Variants in SEMA6D observed in about 807,000 individuals in gnomAD.
SEMA6D encodes the protein semaphorin-6D.
A neutral mutation model predicts 106.6 loss-of-function variants in SEMA6D; 35 were observed. The ratio of observed to expected loss-of-function variants is 0.33; its 90% CI spans 0.25 to 0.44. The LOEUF (loss-of-function observed/expected upper bound fraction) is 0.44. SEMA6D is among the 20% of genes least tolerant of loss of function. The probability of loss-of-function intolerance (pLI) is 1.00; values close to 1 mark genes in which losing one functional copy is unlikely to be tolerated. For synonymous variants in SEMA6D, 499 were observed against 487.7 expected (o/e 1.02, Z -0.31); for missense variants, 1,185 against 1,345.9 (o/e 0.88, Z 1.87).
intron 1 of SEMA6D, among the ~76,000 whole-genome samples, chr15:47,337,132 A>T (rs531543238): frequency 2.0e-5 from 3 of 152,234 alleles, no homozygotes; most frequent in African/African-American, 7.2e-5. Flanking sequence ...GAAGAACCCT[A>T]GTCCAGTTTT....
intron 1 of SEMA6D, among the ~76,000 whole-genome samples, chr15:47,364,431 A>G (rs1200803562): frequency 6.6e-6 from 1 of 152,166 alleles, no homozygotes; most frequent in Non-Finnish European, 1.5e-5. Context: ...TCTAAAGGGA[A>G]TTTTTAGTTC....
chr15:47,636,827 T>C (rs918581267), intron 4 of SEMA6D, among the ~76,000 whole-genome samples: 6 of 152,132 alleles, frequency 3.9e-5, no homozygotes, highest in South Asian at 4.2e-4. Flanking sequence ...TGCATGTAAA[T>C]ATTAATCTCA....
intron 1 of SEMA6D, among the ~76,000 whole-genome samples, chr15:47,286,668 T>C (rs1203913585): frequency 1.3e-5 from 2 of 152,126 alleles, no homozygotes; most frequent in African/African-American, 2.4e-5. Context: ...CTCCCATAGA[T>C]AGGCATTTGG....
chr15:47,741,488 G>A (rs1432144830), intron 1 of SEMA6D, among the ~76,000 whole-genome samples: 3 of 152,178 alleles, frequency 2.0e-5, no homozygotes, highest in Admixed American at 6.5e-5. Flanking sequence ...AGGCCGAGGC[G>A]GGCAGATCAC....
At chr15:47,713,584 G>A (rs532420043), upstream of SEMA6D, among the ~76,000 whole-genome samples, 35 of 152,256 alleles carry the variant, frequency 2.3e-4, no homozygotes, top group Middle Eastern at 3.4e-3. Context: ...ATGTGCGAAC[G>A]CAAGGAATAC....
intron 3 of SEMA6D, among the ~76,000 whole-genome samples, chr15:47,511,563 T>C (rs2044230931): frequency 6.6e-6 from 1 of 152,188 alleles, no homozygotes; most frequent in Non-Finnish European, 1.5e-5. Context: ...GACACTATTG[T>C]CTCTCCCTTC....
intron 4 of SEMA6D, among the ~76,000 whole-genome samples, chr15:47,617,662 A>G (rs996437639): frequency 6.6e-6 from 1 of 152,210 alleles, no homozygotes; most frequent in Non-Finnish European, 1.5e-5. Context: ...TATACCCTGC[A>G]GAGTTAAATT....
chr15:47,763,336 T>C (rs879221775), intron 9 of SEMA6D, among the ~76,000 whole-genome samples: 5 of 152,174 alleles, frequency 3.3e-5, no homozygotes, highest in Admixed American at 3.3e-4. Flanking sequence ...TCGTTTTTTT[T>C]CCTGCAGCCA....
At chr15:47,275,003 T>C (rs567746300) in intron 1 of SEMA6D, 3 of 152,086 alleles carry the variant, frequency 2.0e-5, no homozygotes, top group African/African-American at 7.2e-5. Context: ...TGAGAATGGA[T>C]GAAAATGAAG....
chr15:47,730,783 G>A (rs889787346), intron 1 of SEMA6D: 2 of 1,594,548 alleles, frequency 1.3e-6, no homozygotes, highest in African/African-American at 1.3e-5. Flanking sequence ...CACAAAGCGG[G>A]TGAGGTCTCT....
At chr15:47,421,597 A>C (rs962607543) in intron 2 of SEMA6D, among the ~76,000 whole-genome samples, 2 of 152,016 alleles carry the variant, frequency 1.3e-5, no homozygotes, top group African/African-American at 4.8e-5. Flanking sequence ...TTTCTGCTTA[A>C]GGATTTTTTT....
chr15:47,667,595 G>T (rs763857031), intron 4 of SEMA6D, among the ~76,000 whole-genome samples: 1 of 152,198 alleles, frequency 6.6e-6, no homozygotes, highest in Non-Finnish European at 1.5e-5. Flanking sequence ...ATTTCTCACA[G>T]TTGCAGAGGC....
At chr15:47,487,208 G>C (rs2043321757) in intron 3 of SEMA6D, among the ~76,000 whole-genome samples, 1 of 152,192 alleles carries the variant, frequency 6.6e-6, no homozygotes, top group African/African-American at 2.4e-5. Context: ...GTGACATTGT[G>C]CAAGAGATGT....
chr15:47,403,661 G>A (rs2040468070), intron 1 of SEMA6D, among the ~76,000 whole-genome samples: 2 of 152,202 alleles, frequency 1.3e-5, no homozygotes. Flanking sequence ...CTTGAATGAT[G>A]TGTAGAAATT....
chr15:47,383,679 C>G (rs1315029267), intron 1 of SEMA6D, among the ~76,000 whole-genome samples: 1 of 152,132 alleles, frequency 6.6e-6, no homozygotes, highest in Admixed American at 6.5e-5. Flanking sequence ...TAAAATCACC[C>G]CATTTTGTAA....
chr15:47,369,108 T>A (rs2039173679), intron 1 of SEMA6D, among the ~76,000 whole-genome samples: 1 of 152,242 alleles, frequency 6.6e-6, no homozygotes, highest in Admixed American at 6.5e-5. Context: ...GATATCAAGA[T>A]AGTGGTTACT....
At chr15:47,195,700 G>C (rs1894293506) in intron 1 of SEMA6D, among the ~76,000 whole-genome samples, 1 of 152,036 alleles carries the variant, frequency 6.6e-6, no homozygotes. Context: ...TCTTCTCGGG[G>C]TTCCACTGCA....
At position 47,359,104 on chromosome 15, in the gene SEMA6D, G is replaced by C. The variant is rs1459176099; in HGVS notation, c.-238-53289G>C. ...CCGCACAGGACTAGACATGTTTTAA[G>C]GGTGAGAACTATGCCTTATAGTACC... On this transcript the variant is annotated intron_variant, in intron 1 of 19. Coordinates refer to the SEMA6D transcript ENST00000558014. Among the ~76,000 whole-genome samples, 2 of 152,076 alleles carry C rather than the reference G, an allele frequency of 1.3e-5. 1 individual carries two copies. The highest frequency in any genetic ancestry group is 1.3e-4 in the Admixed American group (2 of 15,280).
chr15:47,674,966 T>C (rs1226628716), intron 4 of SEMA6D, among the ~76,000 whole-genome samples: 1 of 152,166 alleles, frequency 6.6e-6, no homozygotes, highest in Admixed American at 6.5e-5. Context: ...GGCTCAGTGA[T>C]CTAAGTGAAA....
Sources: allele counts gnomAD v4.1 joint callset (sites outside exome capture counted in the v4.1 genomes callset), GRCh38; gene constraint gnomAD v4.1.1; transcripts MANE v1.5; gene names NCBI Gene and HGNC (gene_info 2026-07-23, HGNC 2026-07-21).